The following CASZ1 variants were observed in gnomAD, a reference collection of about 807,000 sequenced individuals.
CASZ1 encodes zinc finger protein castor homolog 1.
A neutral mutation model predicts 135.2 loss-of-function variants in CASZ1; 28 were observed. That is an observed-to-expected ratio of 0.21 (90% CI 0.15 to 0.28). The LOEUF is 0.28. Ranked by LOEUF, CASZ1 falls within the 10% of genes least tolerant of loss-of-function variation. The pLI is 1.00. For synonymous variants in CASZ1, 1,068 were observed against 1,073.4 expected (o/e 0.99, Z 0.10); for missense variants, 2,161 against 2,453.3 (o/e 0.88, Z 2.52).
At chr1:10,684,761 C>T (rs143012874) in intron 4 of CASZ1, among the ~76,000 whole-genome samples, 25 of 152,360 alleles carry the variant, frequency 1.6e-4, no homozygotes, top group African/African-American at 5.8e-4. Flanking sequence ...GGGGCCCACA[C>T]TCTTGGGTGT....
chr1:10,670,445 G>A (rs992978175), intron 4 of CASZ1, among the ~76,000 whole-genome samples: 26 of 152,200 alleles, frequency 1.7e-4, no homozygotes, highest in Non-Finnish European at 2.9e-4. Context: ...GGCGGCTGCC[G>A]GGGCTTCCAC....
chr1:10,743,345 GAGA>G (rs1442032690), intron 2 of CASZ1, among the ~76,000 whole-genome samples: 10 of 152,022 alleles, frequency 6.6e-5, no homozygotes, highest in African/African-American at 2.2e-4. Flanking sequence ...CCCACGGTCG[GAGA>G]AGGAGACTAC....
intron 2 of CASZ1, among the ~76,000 whole-genome samples, chr1:10,738,840 C>G (rs568370784): frequency 1.3e-5 from 2 of 151,122 alleles, no homozygotes. Flanking sequence ...ATTAAGACAC[C>G]ACTTTTAGTC....
At chr1:10,723,455 C>A (rs950098197) in intron 2 of CASZ1, among the ~76,000 whole-genome samples, 3 of 152,244 alleles carry the variant, frequency 2.0e-5, no homozygotes, top group Non-Finnish European at 4.4e-5. Flanking sequence ...AGAGGAGCCA[C>A]TGGCTGTGGC....
rs561271757 is a variant in CASZ1, at chr1:10,709,257, C to T, written c.-76-3713G>A. On this transcript the variant is annotated intron_variant, in intron 2 of 20. Transcript: ENST00000377022. The surrounding 1 kb of genome is among the most constrained non-coding windows in gnomAD (Gnocchi z 5.1). ...GGCCATGGGGGCTCGGGGCAGCTGT[C>T]GGGCTGCCCATCCGCCCCCGCACTC... is the stretch of plus-strand genomic sequence containing the variant. Among the ~76,000 whole-genome samples the T allele has an allele frequency of 1.3e-4, 20 of 152,290 alleles. No individual in the cohort carries two copies. The highest frequency in any genetic ancestry group is 8.5e-4 in the Admixed American group (13 of 15,304).
In CASZ1 at chr1:10,655,654, T is replaced by A. The variant is rs1270328108; in HGVS notation, c.1660A>T (p.Met554Leu). The A allele has an allele frequency of 1.9e-6, 3 of 1,612,756 alleles. No homozygotes were observed. In the East Asian group the frequency reaches 6.7e-5, roughly 36 times the overall value. Reference sequence around the variant, plus strand: ...GGCCCGGGTGCGGGAGGCACCTGCATGCAGTGATAGTGGGTGCTCTTCCCA... The same window carrying A: ...GGCCCGGGTGCGGGAGGCACCTGCAAGCAGTGATAGTGGGTGCTCTTCCCA... ...LNGKSTHYHC[M>L]QVGCNKVYTS... Residue 554 changes from methionine (M) to leucine (L), a missense_variant, in exon 9 of 21, where the codon ATG (methionine) becomes TTG (leucine). Around this residue, in one of 7 missense-constraint regions of CASZ1, gnomAD observed 248 missense variants for 410.8 expected, o/e 0.60. Coordinates refer to ENST00000377022, the MANE Select transcript of CASZ1 (RefSeq NM_001079843.3).
intron 1 of CASZ1, among the ~76,000 whole-genome samples, chr1:10,789,881 G>C (rs1013721964): frequency 6.6e-6 from 1 of 152,098 alleles, no homozygotes; most frequent in Non-Finnish European, 1.5e-5. Flanking sequence ...GCTCTTAAAC[G>C]CTTGATTAAT....
At position 10,699,614 on chromosome 1, in the gene CASZ1, C is replaced by T. The variant is rs1224722710; in HGVS notation, c.-23-5702G>A. ...GCCAGGAGTGCCAGCAGGGGAGGCACCCGCAAACAAAACAAAAACAAAAAA... is the reference window on the plus strand; with the variant it reads ...GCCAGGAGTGCCAGCAGGGGAGGCATCCGCAAACAAAACAAAAACAAAAAA... On this transcript the variant is annotated intron_variant, in intron 3 of 20. Coordinates refer to ENST00000377022, the MANE Select transcript of CASZ1 (RefSeq NM_001079843.3). This position sits in a 1 kb window ranked among gnomAD's most constrained non-coding sequence, Gnocchi z 4.6. Among the ~76,000 whole-genome samples, 1 of 152,146 alleles carries T rather than the reference C, an allele frequency of 6.6e-6. No homozygotes were observed. The highest frequency in any genetic ancestry group is 2.4e-5 in the African/African-American group (1 of 41,422).
At chr1:10,716,462 C>G (rs1321634473) in intron 2 of CASZ1, among the ~76,000 whole-genome samples, 1 of 152,218 alleles carries the variant, frequency 6.6e-6, no homozygotes. Context: ...TCAAAAGATT[C>G]ATGGGGAGCA....
chr1:10,694,706 G>A lies in CASZ1; in HGVS notation c.-23-794C>T, dbSNP rs1348719474. ...CGCGCCCCCGCCGCGCGCCCCCGCC[G>A]CGCGCGCCCGCGCCGCACTGGCAGG... On this transcript the variant is annotated intron_variant, in intron 3 of 20. Transcript: ENST00000377022. The surrounding 1 kb of genome is among the most constrained non-coding windows in gnomAD (Gnocchi z 6.6). Among the ~76,000 whole-genome samples, 1 of 139,934 alleles carries A rather than the reference G, an allele frequency of 7.1e-6. No homozygotes were observed. The highest frequency in any genetic ancestry group is 2.6e-5 in the African/African-American group (1 of 38,852). The allele number at this position is 139,934 out of a possible 152,430, so 91.8% of individuals were successfully genotyped here.
In CASZ1 at chr1:10,757,902, G is replaced by T. The variant is rs1212879227; in HGVS notation, c.-77+2799C>A. Among the ~76,000 whole-genome samples, 1 of 152,134 alleles carries T rather than the reference G, an allele frequency of 6.6e-6. No homozygotes were observed. The highest frequency in any genetic ancestry group is 1.5e-5 in the Non-Finnish European group (1 of 68,008). ...CCCAACTTCTCCCCAGGCACACAAA[G>T]CCCTGCACCTCCTGACACCCACCTC... On this transcript the variant is annotated intron_variant, in intron 2 of 20. Transcript: ENST00000377022. The surrounding 1 kb of genome is among the most constrained non-coding windows in gnomAD (Gnocchi z 4.6).
In CASZ1 at chr1:10,647,676, C is replaced by T. The variant is rs1372900643; in HGVS notation, c.3497+125G>A. 4.0e-6 allele frequency: 6 copies of T among 1,513,000 alleles called. No individual in the cohort carries two copies. The highest frequency in any genetic ancestry group is 5.3e-6 in the Non-Finnish European group (6 of 1,136,394). The allele number at this position is 1,513,000 out of a possible 1,614,324, so 93.7% of individuals were successfully genotyped here. A position where few individuals can be genotyped will look rare whatever the true frequency, so the allele number is the denominator to read the frequency against. ...AGAAGGACATCACCCGATGGCCATGCCCCAGAGAGGCTGGGGACAGCAGCA... is the reference window on the plus strand; with the variant it reads ...AGAAGGACATCACCCGATGGCCATGTCCCAGAGAGGCTGGGGACAGCAGCA... On this transcript the variant is annotated intron_variant, in intron 16 of 20. Coordinates refer to ENST00000377022, the MANE Select transcript of CASZ1 (RefSeq NM_001079843.3). This position sits in a 1 kb window ranked among gnomAD's most constrained non-coding sequence, Gnocchi z 4.9.
At chr1:10,712,841 C>A (rs1639312229) in intron 2 of CASZ1, among the ~76,000 whole-genome samples, 1 of 152,260 alleles carries the variant, frequency 6.6e-6, no homozygotes, top group Non-Finnish European at 1.5e-5. Flanking sequence ...CTCCACCATG[C>A]TCCCCAGATA....
At position 10,757,005 on chromosome 1, in the gene CASZ1, G is replaced by C. The variant is rs957145235; in HGVS notation, c.-77+3696C>G. ...GAGCAAACACACAAAGCTGGCTTCA[G>C]TGCAGAGCCAGGGCTGAAAGGATAG... On this transcript the variant is annotated intron_variant, in intron 2 of 20. Transcript: ENST00000377022. The surrounding 1 kb of genome is among the most constrained non-coding windows in gnomAD (Gnocchi z 4.6). Among the ~76,000 whole-genome samples the C allele has an allele frequency of 6.6e-6, 1 of 152,200 alleles. No homozygotes were observed. The highest frequency in any genetic ancestry group is 2.4e-5 in the African/African-American group (1 of 41,442).
chr1:10,666,743 A>G lies in CASZ1; in HGVS notation c.17-1172T>C, dbSNP rs1570444407. Among the ~76,000 whole-genome samples, 1 of 152,120 alleles carries G rather than the reference A, an allele frequency of 6.6e-6. No individual in the cohort carries two copies. Among genetic ancestry groups the G allele is most frequent in the African/African-American group, 2.4e-5 (1 of 41,420 alleles). ...GGGGGGGCATACGGCAAGCCCACCC[A>G]CCACACAGCCTGGGACCTGCCACAA... is the stretch of plus-strand genomic sequence containing the variant. On this transcript the variant is annotated intron_variant, in intron 4 of 20. Transcript: ENST00000377022. The surrounding 1 kb of genome is among the most constrained non-coding windows in gnomAD (Gnocchi z 5.2).
intron 1 of CASZ1, among the ~76,000 whole-genome samples, chr1:10,772,746 A>C (rs1287962132): frequency 1.3e-5 from 2 of 152,172 alleles, no homozygotes; most frequent in African/African-American, 4.8e-5. Context: ...CCATAAAGGA[A>C]CAGGTTTGCT....
intron 2 of CASZ1, among the ~76,000 whole-genome samples, chr1:10,708,250 C>T (rs74896427): frequency 0.01 from 1,550 of 152,284 alleles, 27 homozygotes; most frequent in African/African-American, 0.036. Context: ...TTCCTCCTGT[C>T]CATGTGAAAA....
intron 4 of CASZ1, among the ~76,000 whole-genome samples, chr1:10,691,580 A>C (rs1287987079): frequency 6.6e-6 from 1 of 152,198 alleles, no homozygotes; most frequent in African/African-American, 2.4e-5. Flanking sequence ...GAAGCTGCCC[A>C]CGCTGCCCCA....
chr1:10,707,255 T>C lies in CASZ1; in HGVS notation c.-76-1711A>G, dbSNP rs1008339183. ...CTCCCCTCCCATCCTCCCTGGCAAC[T>C]GTGCATTTATTAATTCATGAGGCAC... On this transcript the variant is annotated intron_variant, in intron 2 of 20. Coordinates refer to ENST00000377022, the MANE Select transcript of CASZ1 (RefSeq NM_001079843.3). This position sits in a 1 kb window ranked among gnomAD's most constrained non-coding sequence, Gnocchi z 5.0. Among the ~76,000 whole-genome samples, 15 of 152,312 alleles carry C rather than the reference T, an allele frequency of 9.8e-5. No individual in the cohort carries two copies. The highest frequency in any genetic ancestry group is 3.6e-4 in the African/African-American group (15 of 41,568).
Sources: gnomAD v4.1 joint callset for allele counts (sites outside exome capture counted in the v4.1 genomes callset) on GRCh38, gnomAD v4.1.1 for gene constraint, gnomAD v4.1.1 regional missense constraint, Gnocchi (gnomAD v3.1) non-coding constraint, MANE v1.5 for transcripts, NCBI Gene and HGNC (gene_info 2026-07-23, HGNC 2026-07-21) for gene names.